FAT3: variants seen among roughly 807,000 people sequenced by gnomAD.
The protein encoded by FAT3 is FAT atypical cadherin 3.
FAT3 carries 95 observed loss-of-function variants against 310.2 expected under a neutral mutation model. The ratio of observed to expected loss-of-function variants is 0.31; its 90% CI spans 0.26 to 0.36. The LOEUF (loss-of-function observed/expected upper bound fraction) is 0.36, where lower values mean the gene tolerates loss of function less well. Among genes scored for constraint, FAT3 ranks in the 10% least tolerant of loss-of-function variants. FAT3 has a pLI of 1.00. For synonymous variants in FAT3, 2,314 were observed against 2,192.9 expected, an observed-to-expected ratio of 1.06 and a Z score of -1.54; for missense variants, 5,408 against 5,715.6, an observed-to-expected ratio of 0.95 and a Z score of 1.74.
chr11:92,427,067 C>T (rs1373705925), intron 2 of FAT3, among the ~76,000 whole-genome samples: 1 of 151,964 alleles, frequency 6.6e-6, no homozygotes, highest in Admixed American at 6.6e-5. Flanking sequence ...GGTGGTTTGT[C>T]ATTCTCCTTG....
intron 4 of FAT3, among the ~76,000 whole-genome samples, chr11:92,733,309 T>A (rs1440202085): frequency 6.6e-6 from 1 of 151,936 alleles, no homozygotes; most frequent in Non-Finnish European, 1.5e-5. Context: ...CTGATGTTAC[T>A]AGCTGAAGCC....
intron 7 of FAT3, among the ~76,000 whole-genome samples, chr11:92,787,562 G>A (rs980330652): frequency 1.3e-5 from 2 of 151,530 alleles, no homozygotes; most frequent in African/African-American, 2.4e-5. Context: ...ATTCTTGCTT[G>A]TTCTTCTTAA....
At chr11:92,667,851 C>A (rs1418555518) in intron 3 of FAT3, among the ~76,000 whole-genome samples, 2 of 152,118 alleles carry the variant, frequency 1.3e-5, no homozygotes, top group Non-Finnish European at 2.9e-5. Context: ...TTCTTTTTTT[C>A]TACTGCCCAA....
chr11:92,476,268 A>G (rs912127082), intron 2 of FAT3, among the ~76,000 whole-genome samples: 9 of 152,202 alleles, frequency 5.9e-5, no homozygotes, highest in African/African-American at 1.9e-4. Context: ...CCTGAAAGCA[A>G]TTGACCAGAT....
At chr11:92,501,306 G>A (rs982920213) in intron 2 of FAT3, among the ~76,000 whole-genome samples, 2 of 152,056 alleles carry the variant, frequency 1.3e-5, no homozygotes, top group Non-Finnish European at 2.9e-5. Flanking sequence ...GGCACACTTT[G>A]CTTTGTGGTC....
At chr11:92,430,219 G>T (rs1430030588) in intron 2 of FAT3, among the ~76,000 whole-genome samples, 2 of 152,142 alleles carry the variant, frequency 1.3e-5, no homozygotes, top group African/African-American at 4.8e-5. Flanking sequence ...GTGTTTTGCA[G>T]CTCCCTCAGG....
At chr11:92,667,906 A>G (rs1019655308) in intron 3 of FAT3, among the ~76,000 whole-genome samples, 8 of 152,164 alleles carry the variant, frequency 5.3e-5, no homozygotes, top group Non-Finnish European at 1.5e-5. Context: ...ATCTTTTGCC[A>G]CCAAGGCCTT....
chr11:92,742,354 G>T (rs530241242), intron 4 of FAT3, among the ~76,000 whole-genome samples: 1 of 152,270 alleles, frequency 6.6e-6, no homozygotes, highest in East Asian at 1.9e-4. Flanking sequence ...CATGCAGTGG[G>T]AACCCCAATC....
At chr11:92,442,737 C>T (rs550280622) in intron 2 of FAT3, among the ~76,000 whole-genome samples, 2 of 152,136 alleles carry the variant, frequency 1.3e-5, no homozygotes, top group Admixed American at 6.5e-5. Context: ...GTCCAAAGGA[C>T]CATATCATCA....
chr11:92,583,066 A>T lies in FAT3; in HGVS notation c.3607+58118A>T, dbSNP rs765380411. On this transcript the variant is annotated intron_variant, in intron 3 of 27. Transcript: ENST00000525166. ...ACTATTATAGTAAAATTAAATTAGC[A>T]CTTTGCAGAATATTTTTTTCAAAAA... is the stretch of plus-strand genomic sequence containing the variant. Among the ~76,000 whole-genome samples the T allele has an allele frequency of 2.0e-3, 290 of 147,148 alleles. 1 individual carries two copies. The highest frequency in any genetic ancestry group is 1.6e-3 in the Non-Finnish European group (106 of 67,750).
chr11:92,817,678 G>A (rs1296416710), intron 13 of FAT3, among the ~76,000 whole-genome samples: 1 of 152,198 alleles, frequency 6.6e-6, no homozygotes, highest in Non-Finnish European at 1.5e-5. Flanking sequence ...TACAGGGCTG[G>A]CCCAGGGTCA....
At chr11:92,748,679 T>G (rs1945742356) in intron 4 of FAT3, 1 of 151,922 alleles carries the variant, frequency 6.6e-6, no homozygotes, top group Non-Finnish European at 1.5e-5. Context: ...GAAAGCAGAG[T>G]GGGGAGTGAC....
At chr11:92,623,919 G>A (rs751642814) in intron 3 of FAT3, among the ~76,000 whole-genome samples, 1 of 151,982 alleles carries the variant, frequency 6.6e-6, no homozygotes, top group Non-Finnish European at 1.5e-5. Context: ...CTCCAACCTG[G>A]ATGACAAAGC....
Position 92,787,245 on chromosome 11 carries a change from ATGTT to A in FAT3, c.4336-2695_4336-2692del, listed in dbSNP as rs767946745. Among the ~76,000 whole-genome samples the A allele has an allele frequency of 5.3e-5, 8 of 151,980 alleles. No homozygotes were observed. The East Asian group carries it at 1.5e-3, about 29-fold the overall frequency. On this transcript the variant is annotated intron_variant, in intron 7 of 27. Transcript: ENST00000525166. ...TATATAGTATGTTTATATTAACAGAATGTTTGATGAGTAAACCATACATATTTTT... is the reference window on the plus strand; with the variant it reads ...TATATAGTATGTTTATATTAACAGAATGATGAGTAAACCATACATATTTTT...
At chr11:92,663,569 A>G (rs965286713) in intron 3 of FAT3, among the ~76,000 whole-genome samples, 1 of 152,150 alleles carries the variant, frequency 6.6e-6, no homozygotes, top group Non-Finnish European at 1.5e-5. Flanking sequence ...AGTTCTACCA[A>G]TGTAAACTTA....
Position 92,265,390 on chromosome 11 carries a change from G to A in FAT3, c.-18+40216G>A, listed in dbSNP as rs182091524. On this transcript the variant is annotated intron_variant, in intron 1 of 27. Transcript: ENST00000525166. Reference sequence around the variant, plus strand: ...TCCAAGCATGGTGTTGGGAGCTGCAGATAAATTGGTGAATGGGGAAGACGT... The same window carrying A: ...TCCAAGCATGGTGTTGGGAGCTGCAAATAAATTGGTGAATGGGGAAGACGT... Among the ~76,000 whole-genome samples, 23 of 152,096 alleles carry A rather than the reference G, an allele frequency of 1.5e-4. No individual in the cohort carries two copies. The East Asian group carries it at 4.3e-3, about 28-fold the overall frequency.
At position 92,415,849 on chromosome 11, in the gene FAT3, C is replaced by CTTTTTTTTTTTTTTTTTT. The variant is rs1196695394; in HGVS notation, c.3292+60452_3292+60469dup. Among the ~76,000 whole-genome samples, 6 of 70,440 alleles carry CTTTTTTTTTTTTTTTTTT rather than the reference C, an allele frequency of 8.5e-5. 2 individuals carry two copies. Among genetic ancestry groups the CTTTTTTTTTTTTTTTTTT allele is most frequent in the Non-Finnish European group, 1.1e-4 (4 of 35,814 alleles). The allele number at this position is 70,440 out of a possible 152,430, so 46.2% of individuals were successfully genotyped here. On this transcript the variant is annotated intron_variant, in intron 2 of 27. Coordinates refer to ENST00000525166, the MANE Select transcript of FAT3 (RefSeq NM_001367949.2). ...CAATCTTTTAGCATAAGCATTTTTG[C>CTTTTTTTTTTTTTTTTTT]TTTTTTTTTTTTTTTTTTTTTTTTA...
chr11:92,654,986 G>A (rs1942527566), intron 3 of FAT3, among the ~76,000 whole-genome samples: 1 of 151,984 alleles, frequency 6.6e-6, no homozygotes, highest in South Asian at 2.1e-4. Context: ...CTACCTCAAG[G>A]CATTTGTAGC....
intron 13 of FAT3, among the ~76,000 whole-genome samples, chr11:92,811,012 A>T (rs1342190772): frequency 3.3e-5 from 5 of 152,206 alleles, no homozygotes; most frequent in Admixed American, 3.3e-4. Context: ...TTGAAAACAA[A>T]CGTAGAGCCT....
Sources: allele counts gnomAD v4.1 joint callset (sites outside exome capture counted in the v4.1 genomes callset), GRCh38; gene constraint gnomAD v4.1.1; transcripts MANE v1.5; gene names NCBI Gene and HGNC (gene_info 2026-07-23, HGNC 2026-07-21).